Variants in KIF2A observed in about 807,000 individuals in gnomAD.
The protein encoded by KIF2A is kinesin-like protein KIF2A.
A neutral mutation model predicts 100.2 loss-of-function variants in KIF2A; 22 were observed. The observed-to-expected ratio is 0.22, with a 90% CI of 0.16 to 0.31. The LOEUF (loss-of-function observed/expected upper bound fraction) is 0.31. Among genes scored for constraint, KIF2A ranks in the 10% least tolerant of loss-of-function variants. The probability of loss-of-function intolerance (pLI) is 1.00; values close to 1 mark genes in which losing one functional copy is unlikely to be tolerated. For synonymous variants in KIF2A, 268 were observed against 285.9 expected (o/e 0.94, Z 0.63); for missense variants, 495 against 898.7 (o/e 0.55, Z 5.74).
At chr5:62,329,486 T>C (rs1746534393) in intron 1 of KIF2A, among the ~76,000 whole-genome samples, 1 of 152,244 alleles carries the variant, frequency 6.6e-6, no homozygotes, top group Admixed American at 6.5e-5. Context: ...GCTGTGTGAC[T>C]TCCAACAAAT....
chr5:62,324,162 G>A (rs1342402098), intron 1 of KIF2A, among the ~76,000 whole-genome samples: 2 of 152,164 alleles, frequency 1.3e-5, no homozygotes, highest in Admixed American at 6.5e-5. Context: ...AACCAAGGAA[G>A]CGAAAGAGCT....
intron 1 of KIF2A, among the ~76,000 whole-genome samples, chr5:62,328,293 A>T (rs925249053): frequency 1.5e-4 from 22 of 148,614 alleles, no homozygotes; most frequent in African/African-American, 4.7e-4. Context: ...AGTAAACTTC[A>T]TGAAGTGTTA....
intron 19 of KIF2A, among the ~76,000 whole-genome samples, chr5:62,379,842 G>A (rs1016485043): frequency 6.6e-6 from 1 of 152,136 alleles, no homozygotes; most frequent in African/African-American, 2.4e-5. Context: ...GCAAATCCAC[G>A]TATAAGAGCT....
intron 1 of KIF2A, among the ~76,000 whole-genome samples, chr5:62,314,833 G>A (rs1371960823): frequency 7.0e-6 from 1 of 142,250 alleles, no homozygotes; most frequent in African/African-American, 2.6e-5. Context: ...CACGATCTTG[G>A]CTCGCTGCAA....
intron 18 of KIF2A, among the ~76,000 whole-genome samples, chr5:62,377,334 A>G (rs554810254): frequency 6.6e-6 from 1 of 152,352 alleles, no homozygotes; most frequent in East Asian, 1.9e-4. Context: ...AATATTTCAT[A>G]CATTTACAGC....
At position 62,383,229 on chromosome 5, in the gene KIF2A, ATTTTTTTTTTTT is replaced by A. The variant is rs70977902; in HGVS notation, c.2149+1996_2149+2007del. Among the ~76,000 whole-genome samples the A allele has an allele frequency of 2.0e-4, 8 of 39,098 alleles. No individual in the cohort carries two copies. The Admixed American group carries it at 2.4e-3, about 12-fold the overall frequency. The allele number at this position is 39,098 out of a possible 152,430, so 25.6% of individuals were successfully genotyped here. On this transcript the variant is annotated intron_variant, in intron 20 of 20. Coordinates refer to ENST00000407818, the MANE Select transcript of KIF2A (RefSeq NM_001098511.3). ...GGCATGAGCCACCATGCCTGGCCAG[ATTTTTTTTTTTT>A]TTTTTTTTTTTTTTTTTTTGAGATG...
Position 62,387,749 on chromosome 5 carries a change from A to G in KIF2A, c.*2180A>G, listed in dbSNP as rs929912148. 2.3e-5 allele frequency: 3 copies of G among 129,538 alleles called. No homozygotes were observed. Among genetic ancestry groups the G allele is most frequent in the Non-Finnish European group, 4.8e-5 (3 of 62,054 alleles). 8.0% of individuals were successfully genotyped at this position (129,538 alleles called of 1,614,324 possible). A position where few individuals can be genotyped will look rare whatever the true frequency, so the allele number is the denominator to read the frequency against. On this transcript the variant is annotated 3_prime_UTR_variant, in exon 21 of 21. Transcript: ENST00000407818. ...TAGTTTTGTGAAATTAAACAAAAAA[A>G]TCTACTCTTAATGTATATTATTTCA...
At chr5:62,377,859 T>TTGTTTGTATATATGTATATGTG in intron 19 of KIF2A, 97 bp downstream of exon 19, 1 of 699,648 alleles carries the variant, frequency 1.4e-6, no homozygotes, top group Non-Finnish European at 2.4e-6. Flanking sequence ...TAAAAAATAC[T>TTGTTTGTATATATGTATATGTG]TGTTTGTATA....
rs1469954992 is a variant in KIF2A, at chr5:62,389,372, G to A, written c.*3803G>A. On this transcript the variant is annotated 3_prime_UTR_variant, in exon 21 of 21. Coordinates refer to ENST00000407818, the MANE Select transcript of KIF2A (RefSeq NM_001098511.3). ...ATGGTGGCACATGCCTGTAATCCCA[G>A]CTACTCGGGTGGTTGAGGCAGGAGA... Among the ~76,000 whole-genome samples the A allele has an allele frequency of 6.6e-6, 1 of 151,620 alleles. No homozygotes were observed. Among genetic ancestry groups the A allele is most frequent in the Non-Finnish European group, 1.5e-5 (1 of 67,952 alleles).
intron 9 of KIF2A, among the ~76,000 whole-genome samples, chr5:62,360,321 GA>G (rs1748337925): frequency 6.6e-6 from 1 of 152,080 alleles, no homozygotes; most frequent in Non-Finnish European, 1.5e-5. Context: ...CTGCTCAGGG[GA>G]AAAGTACTTC....
chr5:62,354,149 A>G (rs1486057498), intron 6 of KIF2A, among the ~76,000 whole-genome samples: 1 of 152,120 alleles, frequency 6.6e-6, no homozygotes, highest in African/African-American at 2.4e-5. Flanking sequence ...ACCTGAATGA[A>G]TCAGCTTTTA....
At position 62,363,297 on chromosome 5, in the gene KIF2A, C is replaced by T. The variant is rs753064647; in HGVS notation, c.1239C>T (p.Leu413=). ...AATGTGTTGAAGATGTACTGAAACT[C>T]ATTGACATAGGCAACAGTTGCAGGT... is the stretch of plus-strand genomic sequence containing the variant. The part of the protein sequence containing the change: ...EVKCVEDVLK[L]IDIGNSCRTS... Residue 413 remains leucine (L), a synonymous_variant, in exon 13 of 21, where the codon CTC becomes CTT. Transcript: ENST00000407818. The T allele has an allele frequency of 1.6e-5, 25 of 1,612,306 alleles. No individual in the cohort carries two copies. The highest frequency in any genetic ancestry group is 1.8e-5 in the Non-Finnish European group (21 of 1,179,368).
rs1741066341 is a variant in KIF2A, at chr5:62,366,318, C to A, written c.1579-96C>A. ...TAATAAGTCTTTATTTTTAAATAAC[C>A]ATGGTAAGATTAGACCTAAATGAGC... is the stretch of plus-strand genomic sequence containing the variant. On this transcript the variant is annotated intron_variant, in intron 15 of 20. Coordinates refer to ENST00000407818, the MANE Select transcript of KIF2A (RefSeq NM_001098511.3). 8.7e-5 allele frequency: 62 copies of A among 715,270 alleles called. 1 individual carries two copies. The South Asian group carries it at 1.0e-3, about 12-fold the overall frequency. The allele number at this position is 715,270 out of a possible 1,614,324, so 44.3% of individuals were successfully genotyped here.
At chr5:62,354,100 A>G (rs983644892) in intron 6 of KIF2A, among the ~76,000 whole-genome samples, 14 of 152,174 alleles carry the variant, frequency 9.2e-5, no homozygotes, top group African/African-American at 2.9e-4. Context: ...ACCAGTTCAG[A>G]TGTTGTGTTG....
At chr5:62,347,444 A>G (rs1747627577) in intron 2 of KIF2A, among the ~76,000 whole-genome samples, 1 of 152,184 alleles carries the variant, frequency 6.6e-6, no homozygotes, top group African/African-American at 2.4e-5. Context: ...AAAATATACT[A>G]TTCTTTAAGT....
chr5:62,326,059 CA>C (rs1404897591), intron 1 of KIF2A, among the ~76,000 whole-genome samples: 1 of 152,030 alleles, frequency 6.6e-6, no homozygotes, highest in Non-Finnish European at 1.5e-5. Flanking sequence ...ATTTGTATAC[CA>C]AACCTCGGTG....
chr5:62,373,700 A>C lies in KIF2A; in HGVS notation c.1774A>C (p.Thr592Pro). The change falls in exon 18 of 21, where the codon ACT (threonine) becomes CCT (proline). Residue 592 changes from threonine to proline, a missense_variant. Thr to Pro is a conservative substitution (Grantham distance 38). Transcript: ENST00000407818. ...SPSVTRVKEL[T>P]VDPTAAGDVR... ...ATGTATTTATAGGGTCAAAGAATTG[A>C]CTGTAGATCCAACTGCTGCTGGTGA... 6.2e-7 allele frequency: 1 copy of C among 1,613,470 alleles called. No individual in the cohort carries two copies. The highest frequency in any genetic ancestry group is 8.5e-7 in the Non-Finnish European group (1 of 1,179,470).
intron 1 of KIF2A, among the ~76,000 whole-genome samples, chr5:62,338,006 C>T (rs1747064884): frequency 6.6e-6 from 1 of 151,998 alleles, no homozygotes; most frequent in Admixed American, 6.6e-5. Context: ...TACAGACATG[C>T]AAAAGGCCAA....
At chr5:62,309,205 C>G (rs1238969685) in intron 1 of KIF2A, among the ~76,000 whole-genome samples, 1 of 152,086 alleles carries the variant, frequency 6.6e-6, no homozygotes, top group Admixed American at 6.5e-5. Flanking sequence ...CAGCCTTCAC[C>G]TTCAGCCTAT....
Sources: gnomAD v4.1 joint callset for allele counts (sites outside exome capture counted in the v4.1 genomes callset) on GRCh38, gnomAD v4.1.1 for gene constraint, MANE v1.5 for transcripts, NCBI Gene and HGNC (gene_info 2026-07-23, HGNC 2026-07-21) for gene names.